Variants in PAK6 observed in about 807,000 individuals in gnomAD.
PAK6 encodes the protein serine/threonine-protein kinase PAK 6.
PAK6 carries 33 observed loss-of-function variants against 60.8 expected under a neutral mutation model. The ratio of observed to expected loss-of-function variants is 0.54; its 90% CI spans 0.41 to 0.73. The LOEUF (loss-of-function observed/expected upper bound fraction) is 0.73, where lower values mean the gene tolerates loss of function less well. Ranked by LOEUF, PAK6 falls within the 30% of genes least tolerant of loss-of-function variation. The pLI is 0.00. For synonymous variants in PAK6, 404 were observed against 378.5 expected, an observed-to-expected ratio of 1.07 and a Z score of -0.78; for missense variants, 845 against 904.1, an observed-to-expected ratio of 0.93 and a Z score of 0.84.
At chr15:40,250,739 A>G (rs8035733) in intron 2 of PAK6, 23,662 of 152,296 alleles carry the variant, frequency 0.16, 2,175 homozygotes, top group Middle Eastern at 0.3. Context: ...TGATTTGGGT[A>G]TATAAGGCAT....
At chr15:40,241,658 A>G (rs2038346228) in intron 2 of PAK6, among the ~76,000 whole-genome samples, 1 of 152,096 alleles carries the variant, frequency 6.6e-6, no homozygotes, top group African/African-American at 2.4e-5. Context: ...TGTGCACCTG[A>G]GAGGGGGAGT....
chr15:40,263,863 C>T (rs62020055), intron 3 of PAK6: 17,240 of 454,760 alleles, frequency 0.038, 482 homozygotes, highest in Middle Eastern at 0.079. Flanking sequence ...GTGATCCACC[C>T]GCCTCGGCCT....
chr15:40,269,996 C>A (rs2140987952), intron 5 of PAK6, among the ~76,000 whole-genome samples: 2 of 152,354 alleles, frequency 1.3e-5, no homozygotes, highest in Middle Eastern at 6.8e-3. Flanking sequence ...GATGAGAGGT[C>A]ATCAGAGCCA....
Position 40,276,601 on chromosome 15 carries a change from C to T in PAK6, c.*507C>T, listed in dbSNP as rs543744537. The T allele has an allele frequency of 4.4e-4, 68 of 153,746 alleles. No individual in the cohort carries two copies. In the South Asian group the frequency reaches 0.014, roughly 31 times the overall value. The allele number at this position is 153,746 out of a possible 1,614,324, so 9.5% of individuals were successfully genotyped here. On this transcript the variant is annotated 3_prime_UTR_variant, in exon 11 of 11. Transcript: ENST00000560346. ...CTGATGTCCTGAAGGTGCAGTCCCA[C>T]CTGTACAGCCCCTCCCCGCCCAGAA...
At chr15:40,242,701 C>T (rs1036453287) in intron 2 of PAK6, among the ~76,000 whole-genome samples, 3 of 152,154 alleles carry the variant, frequency 2.0e-5, no homozygotes, top group Non-Finnish European at 4.4e-5. Flanking sequence ...GAAGTTGTCC[C>T]CTTCTGAGGA....
chr15:40,274,914 C>G (rs1208566088), intron 10 of PAK6, among the ~76,000 whole-genome samples: 1 of 152,218 alleles, frequency 6.6e-6, no homozygotes, highest in Admixed American at 6.5e-5. Context: ...CAAGAAATGT[C>G]TCAGAGGGCT....
At chr15:40,246,730 C>G (rs1164825125) in intron 2 of PAK6, 1 of 152,310 alleles carries the variant, frequency 6.6e-6, no homozygotes, top group Non-Finnish European at 1.5e-5. Context: ...CTGCAGCAGT[C>G]AAGGGGTTCT....
intron 2 of PAK6, chr15:40,247,271 C>G (rs1461799614): frequency 6.6e-6 from 1 of 152,282 alleles, no homozygotes; most frequent in African/African-American, 2.4e-5. Flanking sequence ...AGCTAAACTG[C>G]CAGCAAAAGA....
chr15:40,275,278 TGG>T (rs1491153747), intron 10 of PAK6, among the ~76,000 whole-genome samples: 8 of 107,782 alleles, frequency 7.4e-5, no homozygotes, highest in Admixed American at 3.4e-4. Context: ...CTGTTGTTGT[TGG>T]TTTTTTTTTT....
intron 3 of PAK6, chr15:40,259,264 G>T (rs557882381): frequency 6.6e-6 from 1 of 152,394 alleles, no homozygotes; most frequent in Non-Finnish European, 1.5e-5. Flanking sequence ...CAGCCCAGTG[G>T]CCTTGGAGAC....
chr15:40,268,502 A>T (rs28588285), intron 5 of PAK6, among the ~76,000 whole-genome samples: 15,998 of 152,010 alleles, frequency 0.11, 2,068 homozygotes, highest in East Asian at 0.49. Flanking sequence ...CTCCTCCTCC[A>T]CCACCACCTA....
chr15:40,252,576 G>T (rs763610558), intron 2 of PAK6: 36 of 1,358,622 alleles, frequency 2.6e-5, no homozygotes, highest in Admixed American at 7.6e-5. Flanking sequence ...AGCCGGCGCT[G>T]CACCAACGTG....
chr15:40,268,680 G>A (rs1296921404), intron 5 of PAK6, among the ~76,000 whole-genome samples: 1 of 152,206 alleles, frequency 6.6e-6, no homozygotes. Flanking sequence ...CCTAGCCCCA[G>A]GCAGTGAGGC....
exon 9 of PAK6, chr15:40,273,588 G>C: frequency 6.2e-7 from 1 of 1,614,070 alleles, no homozygotes; most frequent in Non-Finnish European, 8.5e-7. Context: ...GCTCAGATCA[G>C]CAAAGACGTC....
intron 2 of PAK6, chr15:40,246,868 A>T (rs1191847157): frequency 6.6e-6 from 1 of 152,196 alleles, no homozygotes; most frequent in Non-Finnish European, 1.5e-5. Flanking sequence ...AGGTCCACAG[A>T]CTCTGAGGCC....
chr15:40,271,500 T>C (rs6492940), intron 5 of PAK6, among the ~76,000 whole-genome samples: 125,974 of 152,188 alleles, frequency 0.83, 53,432 homozygotes, highest in East Asian at 0.96. Flanking sequence ...TCCCCATCCC[T>C]GGCCTCAAGG....
chr15:40,249,161 G>A (rs1400398042), intron 2 of PAK6, among the ~76,000 whole-genome samples: 1 of 152,098 alleles, frequency 6.6e-6, no homozygotes, highest in East Asian at 1.9e-4. Context: ...ATCTCTCTGG[G>A]GGCCTCTTTC....
chr15:40,265,363 C>G (rs1381820949), intron 4 of PAK6, among the ~76,000 whole-genome samples: 1 of 152,238 alleles, frequency 6.6e-6, no homozygotes, highest in Non-Finnish European at 1.5e-5. Context: ...TTGTGAGGGT[C>G]ACGACTAGTA....
intron 2 of PAK6, chr15:40,250,939 G>A (rs1328653477): frequency 6.6e-6 from 1 of 152,568 alleles, no homozygotes; most frequent in Non-Finnish European, 1.5e-5. Flanking sequence ...CATTCGACCA[G>A]TGTACCCATG....
Sources: gnomAD v4.1 joint callset for allele counts (sites outside exome capture counted in the v4.1 genomes callset) on GRCh38, gnomAD v4.1.1 for gene constraint, MANE v1.5 for transcripts, NCBI Gene and HGNC (gene_info 2026-07-23, HGNC 2026-07-21) for gene names.